The following SALL2 variants were observed in gnomAD, a reference collection of about 807,000 sequenced individuals.
SALL2 encodes spalt like transcription factor 2, also known as sal-like protein 2.
Under a neutral mutation model 58.5 loss-of-function variants are expected in SALL2, and 32 were observed. That is an observed-to-expected ratio of 0.55 (90% CI 0.41 to 0.74). SALL2 has a LOEUF of 0.74. SALL2 is among the 30% of genes least tolerant of loss of function. The probability of loss-of-function intolerance (pLI) is 0.00; values close to 1 mark genes in which losing one functional copy is unlikely to be tolerated. For missense variants in SALL2, 1,201 were observed against 1,268.9 expected (o/e 0.95, Z 0.81); for synonymous variants, 516 against 513.6 (o/e 1.00, Z -0.06).
chr14:21,533,814 A>G (rs1286573805), intron 1 of SALL2, among the ~76,000 whole-genome samples: 2 of 152,176 alleles, frequency 1.3e-5, no homozygotes, highest in Non-Finnish European at 2.9e-5. Flanking sequence ...CAGCATTTGC[A>G]TGTTGTATAT....
chr14:21,523,822 A>T lies in SALL2; in HGVS notation c.1900T>A (p.Cys634Ser). The part of the protein sequence containing the change: ...ASSGPNQCVI[C>S]LRVLSCPRAL... The stretch of plus-strand genomic sequence containing the variant: ...CGAGGACAGCTAAGCACTCGGAGAC[A>T]GATGACACACTGGTTAGGTCCAGAA... Residue 634 changes from cysteine (C) to serine (S), a missense_variant, in exon 2 of 2, where the codon TGT becomes AGT. Cys to Ser is a moderately radical substitution (Grantham distance 112, BLOSUM62 -1). Transcript: ENST00000537235. This position sits in a 1 kb window ranked among gnomAD's most constrained non-coding sequence, Gnocchi z 4.4. 1 of 1,614,216 alleles carries T rather than the reference A, an allele frequency of 6.2e-7. No homozygotes were observed. Among genetic ancestry groups the T allele is most frequent in the Non-Finnish European group, 8.5e-7 (1 of 1,180,032 alleles).
Position 21,523,927 on chromosome 14 carries a change from G to C in SALL2, c.1795C>G (p.Arg599Gly). ...GAGGTCACCGCCACAGCTCCTTGCC[G>C]GTCAATCTTTTCTACCAGTTGCTGC... ...KLQQLVEKIDRQGAVAVTSAA... is the reference protein window; with the variant it reads ...KLQQLVEKIDGQGAVAVTSAA... Residue 599 changes from arginine to glycine, a missense_variant, in exon 2 of 2, where the codon CGG becomes GGG. By Grantham distance (125) the Arg-to-Gly change is moderately radical. This residue lies in a region of SALL2 where 675 missense variants were observed against 683.8 expected (regional missense o/e 0.99). Coordinates refer to ENST00000537235, the MANE Select transcript of SALL2 (RefSeq NM_001364564.1). The surrounding 1 kb of genome is among the most constrained non-coding windows in gnomAD (Gnocchi z 4.4). 2 of 1,614,158 alleles carry C rather than the reference G, an allele frequency of 1.2e-6. No homozygotes were observed. Among genetic ancestry groups the C allele is most frequent in the Non-Finnish European group, 1.7e-6 (2 of 1,180,024 alleles).
intron 1 of SALL2, among the ~76,000 whole-genome samples, chr14:21,535,116 C>G: frequency 6.6e-6 from 1 of 152,078 alleles, no homozygotes; most frequent in South Asian, 2.1e-4. Flanking sequence ...GAGGCCAAGG[C>G]GGGCAGATTA....
At chr14:21,526,462 G>A (rs1178430354), upstream of SALL2, 7 of 1,304,452 alleles carry the variant, frequency 5.4e-6, no homozygotes, top group Non-Finnish European at 6.9e-6. Flanking sequence ...GGAGCTCAGA[G>A]CTCGGGAGAG....
At chr14:21,527,800 C>A (rs1001015550), upstream of SALL2, among the ~76,000 whole-genome samples, 1 of 151,674 alleles carries the variant, frequency 6.6e-6, no homozygotes. Context: ...TGTGATCACA[C>A]CTGTGAATAA....
intron 1 of SALL2, among the ~76,000 whole-genome samples, chr14:21,532,098 G>A (rs185877683): frequency 6.6e-6 from 1 of 152,242 alleles, no homozygotes; most frequent in African/African-American, 2.4e-5. Context: ...GCTACAACAT[G>A]AATGAACTTT....
upstream of SALL2, among the ~76,000 whole-genome samples, chr14:21,530,079 C>T (rs1122695): frequency 0.032 from 4,866 of 152,190 alleles, 266 homozygotes; most frequent in African/African-American, 0.11. Flanking sequence ...ATCAGGTCCC[C>T]TCCCTACAGT....
At position 21,524,147 on chromosome 14, in the gene SALL2, G is replaced by A. The variant is rs746574039; in HGVS notation, c.1575C>T (p.Thr525=). 3.1e-6 allele frequency: 5 copies of A among 1,612,596 alleles called. No individual in the cohort carries two copies. Among genetic ancestry groups the A allele is most frequent in the Non-Finnish European group, 3.4e-6 (4 of 1,179,268 alleles). ...VEPKNKADEN[T]PPGSEGSAIS... ...TGGCTGAGCCCTCACTCCCTGGGGG[G>A]GTGTTTTCATCAGCTTTATTCTTGG... is the stretch of plus-strand genomic sequence containing the variant. The change falls in exon 2 of 2, where the codon ACC becomes ACT. Residue 525 remains threonine (T), a synonymous_variant. Coordinates refer to ENST00000537235, the MANE Select transcript of SALL2 (RefSeq NM_001364564.1).
At chr14:21,528,385 T>C (rs1404708860), upstream of SALL2, among the ~76,000 whole-genome samples, 6 of 152,166 alleles carry the variant, frequency 3.9e-5, no homozygotes, top group Admixed American at 2.6e-4. Flanking sequence ...TTTATTGCAG[T>C]GGGTGGGGGA....
rs749054333 is a variant in SALL2, at chr14:21,522,973, C to G, written c.2749G>C (p.Ala917Pro). The G allele has an allele frequency of 6.2e-7, 1 of 1,613,998 alleles. No individual in the cohort carries two copies. The highest frequency in any genetic ancestry group is 1.3e-5 in the African/African-American group (1 of 74,900). Reference sequence around the variant, plus strand: ...TCCAGAGCTGCCTGGGAGGGAAAGGCCTGGCCACACACTTCGCAGGCCTTT... The same window carrying G: ...TCCAGAGCTGCCTGGGAGGGAAAGGGCTGGCCACACACTTCGCAGGCCTTT... ...SRKACEVCGQ[A>P]FPSQAALEEH... The change falls in exon 2 of 2, where the codon GCC (alanine) becomes CCC (proline). Residue 917 changes from alanine to proline, a missense_variant. Around this residue, in one of 3 missense-constraint regions of SALL2, gnomAD observed 675 missense variants for 683.8 expected, o/e 0.99. Transcript: ENST00000537235.
upstream of SALL2, among the ~76,000 whole-genome samples, chr14:21,528,196 G>C (rs1047675652): frequency 1.2e-3 from 188 of 152,066 alleles, no homozygotes; most frequent in African/African-American, 4.3e-3. Context: ...TTAAAGTTTG[G>C]GGAGTCCTGA....
rs372019379 is a variant in SALL2, at chr14:21,525,495, G to A, written c.227C>T (p.Ser76Phe). The A allele has an allele frequency of 1.9e-6, 3 of 1,614,000 alleles. No homozygotes were observed. The highest frequency in any genetic ancestry group is 1.1e-5 in the South Asian group (1 of 91,070). ...GTGACCCTCAGGCCGGGGTTCAGAG[G>A]AGGCCGAAGAGTTGTTGGGGTTCTC... is the stretch of plus-strand genomic sequence containing the variant. Reference protein sequence around the residue: ...GQENPNNSSASSEPRPEGHNN... With the variant: ...GQENPNNSSAFSEPRPEGHNN... Residue 76 changes from serine (S) to phenylalanine (F), a missense_variant, in exon 2 of 2, where the codon TCC becomes TTC. Physicochemically the swap from Ser to Phe is radical, Grantham distance 155. This residue lies in a region of SALL2 where 467 missense variants were observed against 468.9 expected (regional missense o/e 1.00). Transcript: ENST00000537235. This position sits in a 1 kb window ranked among gnomAD's most constrained non-coding sequence, Gnocchi z 4.4.
At chr14:21,535,692 TA>T (rs1892580236) in intron 1 of SALL2, among the ~76,000 whole-genome samples, 1 of 152,226 alleles carries the variant, frequency 6.6e-6, no homozygotes. Context: ...GGGATTTGTC[TA>T]AAAGTCTGGT....
rs1172605281 is a variant in SALL2 at position 21,526,307 on chromosome 14, G to A, written c.-180C>T. 2.2e-5 allele frequency: 32 copies of A among 1,436,918 alleles called. No homozygotes were observed. The East Asian group carries it at 8.0e-4, about 36-fold the overall frequency. 89.0% of individuals were successfully genotyped at this position (1,436,918 alleles called of 1,614,324 possible). On this transcript the variant is annotated 5_prime_UTR_variant, in exon 1 of 2. Transcript: ENST00000537235. ...GGAGGGGGAGGGGAGCGAGGAGGCGGGGAGAAGCTGGAGTGAGAAAGCGGG... is the reference window on the plus strand; with the variant it reads ...GGAGGGGGAGGGGAGCGAGGAGGCGAGGAGAAGCTGGAGTGAGAAAGCGGG...
upstream of SALL2, chr14:21,526,476 C>T: frequency 3.1e-6 from 4 of 1,271,904 alleles, no homozygotes; most frequent in Non-Finnish European, 4.0e-6. Context: ...GGGAGAGTTT[C>T]CGGAGGCGCA....
chr14:21,526,485 C>G, upstream of SALL2: 1 of 1,258,578 alleles, frequency 7.9e-7, no homozygotes, highest in Non-Finnish European at 1.0e-6. Context: ...TCCGGAGGCG[C>G]AGTGACAGGT....
At chr14:21,528,932 T>C (rs1056782997), upstream of SALL2, among the ~76,000 whole-genome samples, 1 of 152,214 alleles carries the variant, frequency 6.6e-6, no homozygotes, top group Admixed American at 6.5e-5. Flanking sequence ...TTGTCAAGTC[T>C]TCTGACAAGA....
In SALL2 at chr14:21,522,075, G is replaced by A. The variant is rs750574763; in HGVS notation, c.*629C>T. The A allele has an allele frequency of 1.3e-6, 2 of 1,597,504 alleles. No homozygotes were observed. Among genetic ancestry groups the A allele is most frequent in the South Asian group, 1.1e-5 (1 of 90,770 alleles). On this transcript the variant is annotated 3_prime_UTR_variant, in exon 2 of 2. Coordinates refer to ENST00000537235, the MANE Select transcript of SALL2 (RefSeq NM_001364564.1). ...TGCAGGAGGCTGAAATAGGAGGGGG[G>A]CTGTCTTCTCCTTGGCTTCCCTGGA...
At chr14:21,534,620 G>T (rs1342175422) in intron 1 of SALL2, among the ~76,000 whole-genome samples, 1 of 152,102 alleles carries the variant, frequency 6.6e-6, no homozygotes, top group Non-Finnish European at 1.5e-5. Context: ...GAGGAAGTAG[G>T]AAGAAGAGGA....
Sources: gnomAD v4.1 joint callset for allele counts (sites outside exome capture counted in the v4.1 genomes callset) on GRCh38, gnomAD v4.1.1 for gene constraint, gnomAD v4.1.1 regional missense constraint, Gnocchi (gnomAD v3.1) non-coding constraint, MANE v1.5 for transcripts, NCBI Gene and HGNC (gene_info 2026-07-23, HGNC 2026-07-21) for gene names.